The following MAD1L1 variants were observed in gnomAD, a reference collection of about 807,000 sequenced individuals.
The protein encoded by MAD1L1 is mitotic arrest deficient 1 like 1, also known as mitotic spindle assembly checkpoint protein MAD1.
In MAD1L1, 95 loss-of-function variants were observed where a neutral mutation model predicts 96.9. The ratio of observed to expected loss-of-function variants is 0.98; its 90% CI spans 0.83 to 1.16. The LOEUF (loss-of-function observed/expected upper bound fraction) is 1.16. MAD1L1 is among the 50% of genes most tolerant of loss of function. MAD1L1 has a pLI of 0.00. For synonymous variants in MAD1L1, 473 were observed against 396.6 expected, an observed-to-expected ratio of 1.19 and a Z score of -2.29; for missense variants, 1,007 against 954.4, an observed-to-expected ratio of 1.06 and a Z score of -0.73.
intron 15 of MAD1L1, among the ~76,000 whole-genome samples, chr7:1,975,790 G>A (rs868308729): frequency 9.2e-5 from 14 of 152,102 alleles, no homozygotes; most frequent in East Asian, 1.9e-4. Flanking sequence ...GAGGCAGGCC[G>A]GCGTCTCCAG....
At chr7:2,181,440 T>C (rs1001579679) in intron 10 of MAD1L1, among the ~76,000 whole-genome samples, 1 of 152,388 alleles carries the variant, frequency 6.6e-6, no homozygotes, top group South Asian at 2.1e-4. Context: ...TAAAAAATGC[T>C]AAATATCATT....
At chr7:1,870,848 G>A (rs1282083704) in intron 18 of MAD1L1, among the ~76,000 whole-genome samples, 4 of 79,972 alleles carry the variant, frequency 5.0e-5, no homozygotes, top group African/African-American at 1.1e-4. Flanking sequence ...ACGCTGAACC[G>A]ACCATAACAC....
At chr7:1,989,646 G>C (rs1179330095) in intron 14 of MAD1L1, among the ~76,000 whole-genome samples, 2 of 151,832 alleles carry the variant, frequency 1.3e-5, no homozygotes, top group Non-Finnish European at 2.9e-5. Flanking sequence ...CCTCAGCGTG[G>C]ACCAGCCCCA....
chr7:2,188,320 C>A (rs1309475414), intron 10 of MAD1L1, among the ~76,000 whole-genome samples: 1 of 152,166 alleles, frequency 6.6e-6, no homozygotes, highest in Non-Finnish European at 1.5e-5. Flanking sequence ...AAATATTTTG[C>A]AGACATAGGA....
intron 17 of MAD1L1, among the ~76,000 whole-genome samples, chr7:1,925,888 G>A (rs2128458464): frequency 6.6e-6 from 1 of 152,156 alleles, no homozygotes; most frequent in East Asian, 1.9e-4. Flanking sequence ...AAAAAAAGGA[G>A]AGCAAACTAA....
At chr7:1,853,981 C>A (rs1304807903) in intron 18 of MAD1L1, among the ~76,000 whole-genome samples, 1 of 152,238 alleles carries the variant, frequency 6.6e-6, no homozygotes, top group Non-Finnish European at 1.5e-5. Context: ...CTGCTGCCGC[C>A]AGCTCCCGGC....
At chr7:2,154,388 C>A (rs575637469) in intron 10 of MAD1L1, among the ~76,000 whole-genome samples, 2 of 152,252 alleles carry the variant, frequency 1.3e-5, no homozygotes, top group African/African-American at 4.8e-5. Flanking sequence ...TACGAACATA[C>A]AGTTAGATGA....
At chr7:1,903,121 G>A (rs184436814) in intron 17 of MAD1L1, among the ~76,000 whole-genome samples, 2 of 149,150 alleles carry the variant, frequency 1.3e-5, no homozygotes, top group East Asian at 4.0e-4. Context: ...AGTGGCCTAT[G>A]GAAGACGCTC....
At chr7:1,896,754 C>A (rs564041532) in intron 18 of MAD1L1, among the ~76,000 whole-genome samples, 1 of 152,342 alleles carries the variant, frequency 6.6e-6, no homozygotes, top group East Asian at 1.9e-4. Context: ...TCCTAAGATT[C>A]GCTTCAACTA....
chr7:2,118,092 G>GC (rs1020383910), intron 11 of MAD1L1, among the ~76,000 whole-genome samples: 19 of 152,144 alleles, frequency 1.2e-4, no homozygotes, highest in Admixed American at 1.2e-3. Context: ...CCAGCTCAGT[G>GC]CCCCTTACCC....
intron 15 of MAD1L1, among the ~76,000 whole-genome samples, chr7:1,962,996 G>A (rs1229673146): frequency 6.6e-6 from 1 of 152,146 alleles, no homozygotes; most frequent in Non-Finnish European, 1.5e-5. Context: ...AAAAGACTGT[G>A]CTGCATGCTG....
intron 15 of MAD1L1, among the ~76,000 whole-genome samples, chr7:1,977,809 C>G (rs1453744917): frequency 6.6e-6 from 1 of 152,256 alleles, no homozygotes; most frequent in Non-Finnish European, 1.5e-5. Context: ...GAGCGGGGAG[C>G]CGTGCAGCGT....
At chr7:2,218,326 C>A (rs899611234) in intron 6 of MAD1L1, among the ~76,000 whole-genome samples, 1 of 152,210 alleles carries the variant, frequency 6.6e-6, no homozygotes, top group Non-Finnish European at 1.5e-5. Flanking sequence ...AAGGACCTCT[C>A]CAACAGTGGA....
intron 18 of MAD1L1, among the ~76,000 whole-genome samples, chr7:1,877,763 C>T (rs1410800017): frequency 6.6e-6 from 1 of 151,934 alleles, no homozygotes; most frequent in Non-Finnish European, 1.5e-5. Context: ...AGTCAGACTT[C>T]AGAACAAGAA....
intron 10 of MAD1L1, among the ~76,000 whole-genome samples, chr7:2,162,909 C>T (rs1363658887): frequency 6.6e-6 from 1 of 150,890 alleles, no homozygotes. Flanking sequence ...GTCCACGACA[C>T]ACCGCTCATG....
intron 14 of MAD1L1, among the ~76,000 whole-genome samples, chr7:1,987,505 G>A (rs1355281145): frequency 6.6e-6 from 1 of 152,148 alleles, no homozygotes; most frequent in Non-Finnish European, 1.5e-5. Flanking sequence ...AGTCTGCTCT[G>A]CTGTCCGCCA....
chr7:2,004,574 C>G (rs570113336), intron 13 of MAD1L1, among the ~76,000 whole-genome samples: 1 of 152,224 alleles, frequency 6.6e-6, no homozygotes, highest in South Asian at 2.1e-4. Flanking sequence ...CTGTGCCTCC[C>G]GACACAGAAT....
chr7:1,934,387 G>A (rs974334986), intron 17 of MAD1L1, among the ~76,000 whole-genome samples: 2 of 152,248 alleles, frequency 1.3e-5, no homozygotes, highest in East Asian at 3.9e-4. Flanking sequence ...GGGCGAACCC[G>A]AGACAGGCAG....
At chr7:2,033,467 G>A (rs544695524) in intron 12 of MAD1L1, among the ~76,000 whole-genome samples, 1 of 152,190 alleles carries the variant, frequency 6.6e-6, no homozygotes, top group African/African-American at 2.4e-5. Context: ...GTCCCAAAAC[G>A]CCACTTAAAA....
Sources: allele counts gnomAD v4.1 joint callset (sites outside exome capture counted in the v4.1 genomes callset), GRCh38; gene constraint gnomAD v4.1.1; transcripts MANE v1.5; gene names NCBI Gene and HGNC (gene_info 2026-07-23, HGNC 2026-07-21).